RNFT2: variants seen among roughly 807,000 people sequenced by gnomAD.
The protein encoded by RNFT2 is ring finger protein, transmembrane 2.
A neutral mutation model predicts 53.0 loss-of-function variants in RNFT2; 36 were observed. That is an observed-to-expected ratio of 0.68 (90% CI 0.52 to 0.90). The LOEUF (loss-of-function observed/expected upper bound fraction) is 0.90, where lower values mean the gene tolerates loss of function less well. RNFT2 is among the 40% of genes least tolerant of loss of function. The pLI, the probability that RNFT2 is intolerant of heterozygous loss-of-function variation, is 0.00. For missense variants in RNFT2, 514 were observed against 585.6 expected (o/e 0.88, Z 1.26); for synonymous variants, 260 against 253.2 (o/e 1.03, Z -0.26).
chr12:116,743,213 T>TAGAAAAAAAAA (rs1871705131), intron 3 of RNFT2, among the ~76,000 whole-genome samples: 1 of 10,678 alleles, frequency 9.4e-5, no homozygotes, highest in Non-Finnish European at 1.7e-4. Flanking sequence ...AGGTAGAATC[T>TAGAAAAAAAAA]AAAAAAAAAA....
At chr12:116,837,958 G>A (rs2137209197) in intron 10 of RNFT2, among the ~76,000 whole-genome samples, 1 of 151,870 alleles carries the variant, frequency 6.6e-6, no homozygotes, top group South Asian at 2.1e-4. Flanking sequence ...ATATAAAAAG[G>A]AGGCCTGTCA....
rs1877997290 is a variant in RNFT2 at position 116,852,931 on chromosome 12, C to A, written c.*3483C>A. On this transcript the variant is annotated 3_prime_UTR_variant, in exon 11 of 11. Transcript: ENST00000257575. ...GCCACCAAAACAATAAAACAAAATTCTCTAACACTGCAAAGAGTGAGCCAT... is the reference window on the plus strand; with the variant it reads ...GCCACCAAAACAATAAAACAAAATTATCTAACACTGCAAAGAGTGAGCCAT... The A allele has an allele frequency of 1.7e-6, 1 of 596,128 alleles. No individual in the cohort carries two copies. Among genetic ancestry groups the A allele is most frequent in the Non-Finnish European group, 3.0e-6 (1 of 337,194 alleles). 36.9% of individuals were successfully genotyped at this position (596,128 alleles called of 1,614,324 possible).
rs765437909 is a variant in RNFT2 at position 116,749,869 on chromosome 12, G to C, written c.112G>C (p.Ala38Pro). The C allele has an allele frequency of 1.5e-5, 24 of 1,586,666 alleles. No homozygotes were observed. In the Middle Eastern group the frequency reaches 6.6e-4, roughly 44 times the overall value. Residue 38 changes from alanine to proline, a missense_variant, in exon 4 of 11, where the codon GCG becomes CCG. Coordinates refer to ENST00000257575, the MANE Select transcript of RNFT2 (RefSeq NM_001382266.1). ...CCGCAGCCAGGCGCTCAGCTCCGAG[G>C]CGAGTGTGGATGAAGGTGGCGTCTT... Reference protein sequence around the residue: ...RNRSQALSSEASVDEGGVFES... With the variant: ...RNRSQALSSEPSVDEGGVFES...
At position 116,849,466 on chromosome 12, in the gene RNFT2, A is replaced by C. The variant is rs1877799490; in HGVS notation, c.*18A>C. The C allele has an allele frequency of 1.9e-6, 3 of 1,570,432 alleles. No homozygotes were observed. In the East Asian group the frequency reaches 6.9e-5, roughly 36 times the overall value. On this transcript the variant is annotated 3_prime_UTR_variant, in exon 11 of 11. Transcript: ENST00000257575. The stretch of plus-strand genomic sequence containing the variant: ...TGTACTAGGACCGAACACTGAGGAC[A>C]CCCAGAAGGACGCCAAGGGTCAGCA...
At chr12:116,750,887 A>G (rs1378760458) in intron 4 of RNFT2, among the ~76,000 whole-genome samples, 763 of 2,630 alleles carry the variant, frequency 0.29, 79 homozygotes, top group African/African-American at 0.38. Context: ...TATATTATAT[A>G]TATAATATAT....
chr12:116,777,341 A>G (rs1873482510), intron 6 of RNFT2, among the ~76,000 whole-genome samples: 1 of 152,142 alleles, frequency 6.6e-6, no homozygotes, highest in African/African-American at 2.4e-5. Context: ...TTTAGCCACT[A>G]TTACAAAGAA....
At chr12:116,819,126 A>G (rs913020191) in intron 7 of RNFT2, among the ~76,000 whole-genome samples, 7 of 152,238 alleles carry the variant, frequency 4.6e-5, no homozygotes, top group Non-Finnish European at 8.8e-5. Flanking sequence ...TCCTGCAGGC[A>G]AGCCGCGTCG....
At chr12:116,841,846 A>G (rs1202268691) in intron 10 of RNFT2, among the ~76,000 whole-genome samples, 3 of 23,338 alleles carry the variant, frequency 1.3e-4, no homozygotes, top group South Asian at 8.2e-4. Flanking sequence ...TATATATATA[A>G]ATATATATAA....
intron 7 of RNFT2, among the ~76,000 whole-genome samples, chr12:116,798,578 T>G (rs943045902): frequency 6.6e-6 from 1 of 152,088 alleles, no homozygotes; most frequent in Admixed American, 6.6e-5. Flanking sequence ...TTATTTTTAT[T>G]TTTTATATTT....
At position 116,849,538 on chromosome 12, in the gene RNFT2, G is replaced by A. The variant is rs990774284; in HGVS notation, c.*90G>A. ...GGGCTTCCTGAGAAACAGGCCTCAA[G>A]CACTTACATCCTGCCTCTTGCCCTC... On this transcript the variant is annotated 3_prime_UTR_variant, in exon 11 of 11. Transcript: ENST00000257575. 2.0e-5 allele frequency: 29 copies of A among 1,465,008 alleles called. No homozygotes were observed. The highest frequency in any genetic ancestry group is 2.6e-5 in the Non-Finnish European group (29 of 1,104,436). 90.8% of individuals were successfully genotyped at this position (1,465,008 alleles called of 1,614,324 possible). A position where few individuals can be genotyped will look rare whatever the true frequency, so the allele number is the denominator to read the frequency against.
rs577050269 is a variant in RNFT2, at chr12:116,794,673, AG to A, written c.882+15328del. Among the ~76,000 whole-genome samples, 292 of 36,672 alleles carry A rather than the reference AG, an allele frequency of 8.0e-3. 2 individuals are homozygous for A. The highest frequency in any genetic ancestry group is 0.051 in the South Asian group (35 of 686). The allele number at this position is 36,672 out of a possible 152,430, so 24.1% of individuals were successfully genotyped here. A position where few individuals can be genotyped will look rare whatever the true frequency, so the allele number is the denominator to read the frequency against. On this transcript the variant is annotated intron_variant, in intron 7 of 10. Coordinates refer to ENST00000257575, the MANE Select transcript of RNFT2 (RefSeq NM_001382266.1). ...AAGGAAGGAAGGAAGGGAGGAAGGA[AG>A]GGAGGGAGGGAGGGAGGGAAGGGAA...
intron 10 of RNFT2, 62 bp from the exon 11 acceptor site, chr12:116,849,252 C>G: frequency 7.1e-7 from 1 of 1,400,396 alleles, no homozygotes; most frequent in Non-Finnish European, 9.7e-7. Context: ...TTCTCCTGCT[C>G]CCGAGACCGA....
chr12:116,744,541 A>G (rs771630974), intron 3 of RNFT2, among the ~76,000 whole-genome samples: 2 of 152,194 alleles, frequency 1.3e-5, no homozygotes, highest in Non-Finnish European at 2.9e-5. Context: ...AGGAAGTAGC[A>G]GGGCTGAGAT....
chr12:116,832,143 AAAAAAAT>A lies in RNFT2; in HGVS notation c.883-1647_883-1641del, dbSNP rs1233276337. 7.9e-3 allele frequency among the ~76,000 whole-genome samples: 668 copies of A among 84,892 alleles called. 7 individuals are homozygous for A. Among genetic ancestry groups the A allele is most frequent in the African/African-American group, 0.024 (634 of 26,050 alleles). The allele number at this position is 84,892 out of a possible 152,430, so 55.7% of individuals were successfully genotyped here. ...AAGACCTTGTCTCAAAAAAAAAAAA[AAAAAAAT>A]ATATATATATATATATATATCTTTC... On this transcript the variant is annotated intron_variant, in intron 7 of 10. Transcript: ENST00000257575.
chr12:116,755,517 C>T (rs896523684), intron 5 of RNFT2: 24 of 882,908 alleles, frequency 2.7e-5, no homozygotes, highest in South Asian at 1.0e-4. Flanking sequence ...CCTTTCTCTT[C>T]CGCTTCTTTC....
intron 7 of RNFT2, among the ~76,000 whole-genome samples, chr12:116,808,225 A>G (rs1875181334): frequency 6.6e-6 from 1 of 151,994 alleles, no homozygotes; most frequent in Non-Finnish European, 1.5e-5. Context: ...TTGGCCTCCT[A>G]AAGTGCTCGT....
At chr12:116,743,212 C>CCAAAAAAAAAAAAAAAAAAAAAAAAAA (rs1871703706) in intron 3 of RNFT2, among the ~76,000 whole-genome samples, 1 of 8,690 alleles carries the variant, frequency 1.2e-4, no homozygotes, top group Admixed American at 2.4e-3. Flanking sequence ...CAGGTAGAAT[C>CCAAAAAAAAAAAAAAAAAAAAAAAAAA]TAAAAAAAAA....
chr12:116,847,931 C>T (rs372872497), intron 10 of RNFT2, among the ~76,000 whole-genome samples: 1 of 152,148 alleles, frequency 6.6e-6, no homozygotes, highest in Non-Finnish European at 1.5e-5. Context: ...TGGTTTGCTG[C>T]ACCTATCAAC....
Position 116,763,654 on chromosome 12 carries a change from C to T in RNFT2, c.628-3160C>T, listed in dbSNP as rs549874370. On this transcript the variant is annotated intron_variant, in intron 5 of 10. Transcript: ENST00000257575. ...ATTAGCTGGATGTGGTGGCAGACGCCTGTAGTCCCAGCTACTCGGGAGGCT... is the reference window on the plus strand; with the variant it reads ...ATTAGCTGGATGTGGTGGCAGACGCTTGTAGTCCCAGCTACTCGGGAGGCT... Among the ~76,000 whole-genome samples the T allele has an allele frequency of 3.3e-5, 5 of 151,892 alleles. No individual in the cohort carries two copies. In the South Asian group the frequency reaches 1.0e-3, roughly 32 times the overall value.
Sources: allele counts gnomAD v4.1 joint callset (sites outside exome capture counted in the v4.1 genomes callset), GRCh38; gene constraint gnomAD v4.1.1; transcripts MANE v1.5; gene names NCBI Gene and HGNC (gene_info 2026-07-23, HGNC 2026-07-21).